PPARG: variants seen among roughly 807,000 people sequenced by gnomAD.
PPARG encodes peroxisome proliferator activated receptor gamma, also known as peroxisome proliferator-activated receptor gamma.
In PPARG, 17 loss-of-function variants were observed where a neutral mutation model predicts 39.2. The ratio of observed to expected loss-of-function variants is 0.43; its 90% CI spans 0.30 to 0.65. The LOEUF is 0.65. PPARG is among the 30% of genes least tolerant of loss of function. The pLI is 0.13. For missense variants in PPARG, 406 were observed against 585.9 expected (o/e 0.69, Z 3.17); for synonymous variants, 223 against 215.7 (o/e 1.03, Z -0.30).
rs530007199 is a variant in PPARG at position 12,416,938 on chromosome 3, G to A, written c.964G>A (p.Glu322Lys). ...AACTCTCCTCAAATATGGAGTCCAC[G>A]AGATCATTTACACAATGCTGGCCTC... ...QVTLLKYGVH[E>K]IIYTMLASLM... is the part of the protein sequence containing the mutation. Residue 322 changes from glutamate to lysine, a missense_variant, in exon 7 of 8, where the codon GAG becomes AAG. Coordinates refer to ENST00000651735, the MANE Select transcript of PPARG (RefSeq NM_138711.6). 3 of 1,614,018 alleles carry A rather than the reference G, an allele frequency of 1.9e-6. No homozygotes were observed. Among genetic ancestry groups the A allele is most frequent in the Non-Finnish European group, 2.5e-6 (3 of 1,179,988 alleles).
chr3:12,427,824 C>T (rs1289394688), intron 7 of PPARG, among the ~76,000 whole-genome samples: 1 of 152,208 alleles, frequency 6.6e-6, no homozygotes, highest in African/African-American at 2.4e-5. Flanking sequence ...CCTGCCTCCC[C>T]TCCAGTTTTC....
rs529237062 is a variant in PPARG, at chr3:12,303,202, CT to C, written c.-82-9167del. Among the ~76,000 whole-genome samples, 518 of 145,052 alleles carry C rather than the reference CT, an allele frequency of 3.6e-3. 1 individual carries two copies. Among genetic ancestry groups the C allele is most frequent in the Non-Finnish European group, 5.9e-3 (388 of 65,592 alleles). On this transcript the variant is annotated intron_variant, in intron 1 of 7. Coordinates refer to ENST00000651735, the MANE Select transcript of PPARG (RefSeq NM_138711.6). ...TGATGACTGACTCCTGTAGGGCAGT[CT>C]TTTTTTTTTTGGAGATGGAGTCTCA... is the stretch of plus-strand genomic sequence containing the variant.
chr3:12,350,575 C>A (rs567341310), intron 2 of PPARG, among the ~76,000 whole-genome samples: 7 of 152,198 alleles, frequency 4.6e-5, no homozygotes, highest in Non-Finnish European at 8.8e-5. Flanking sequence ...AGACCTGCTC[C>A]CACATCGGTA....
intron 2 of PPARG, among the ~76,000 whole-genome samples, chr3:12,347,038 A>G (rs969164921): frequency 5.9e-5 from 9 of 152,154 alleles, no homozygotes; most frequent in African/African-American, 2.2e-4. Flanking sequence ...GTTTTTGGTT[A>G]AAGAAGAATG....
At chr3:12,351,123 A>G (rs918950295) in intron 2 of PPARG, among the ~76,000 whole-genome samples, 10 of 152,228 alleles carry the variant, frequency 6.6e-5, no homozygotes, top group African/African-American at 2.4e-4. Context: ...CTTTGCCCAA[A>G]TAAGCTTTCT....
chr3:12,424,846 G>A (rs1575151967), intron 7 of PPARG, among the ~76,000 whole-genome samples: 1 of 152,136 alleles, frequency 6.6e-6, no homozygotes, highest in East Asian at 1.9e-4. Context: ...ATCTCTCTGA[G>A]CCTTAATTTC....
chr3:12,397,702 G>A (rs1559524155), intron 5 of PPARG, among the ~76,000 whole-genome samples: 2 of 152,094 alleles, frequency 1.3e-5, no homozygotes, highest in African/African-American at 2.4e-5. Flanking sequence ...GAGCCACCGC[G>A]TCTGGCTAAC....
At chr3:12,397,936 T>C (rs937961310) in intron 5 of PPARG, among the ~76,000 whole-genome samples, 3 of 152,070 alleles carry the variant, frequency 2.0e-5, no homozygotes, top group Non-Finnish European at 4.4e-5. Flanking sequence ...AAACCCTGCA[T>C]TTTGCTGTTC....
In PPARG at chr3:12,376,345, T is replaced by C. The variant is rs147291678; in HGVS notation, c.-8-3359T>C. Among the ~76,000 whole-genome samples the C allele has an allele frequency of 2.0e-4, 31 of 152,198 alleles. No homozygotes were observed. The East Asian group carries it at 6.0e-3, about 29-fold the overall frequency. On this transcript the variant is annotated intron_variant, in intron 2 of 7. Transcript: ENST00000651735. The stretch of plus-strand genomic sequence containing the variant: ...GGAGTGAATTTCTTGGCAATCTGCT[T>C]GGTAAGAAAAAGCAAGTGGTGTTAA...
intron 2 of PPARG, among the ~76,000 whole-genome samples, chr3:12,359,099 G>A (rs370697401): frequency 2.6e-5 from 4 of 152,036 alleles, no homozygotes; most frequent in African/African-American, 7.2e-5. Context: ...TCTCTATCAC[G>A]AGTCTGGTCT....
chr3:12,407,241 A>T (rs1006701369), intron 6 of PPARG, among the ~76,000 whole-genome samples: 12 of 151,722 alleles, frequency 7.9e-5, no homozygotes, highest in Admixed American at 7.2e-4. Flanking sequence ...GCTCACTGCA[A>T]CCTCCACCTC....
intron 2 of PPARG, among the ~76,000 whole-genome samples, chr3:12,362,987 A>G (rs1246823856): frequency 6.6e-6 from 1 of 151,986 alleles, no homozygotes; most frequent in Non-Finnish European, 1.5e-5. Flanking sequence ...AAGCTGGATC[A>G]TGGTGCATTG....
chr3:12,337,930 A>G (rs936423264), intron 2 of PPARG, among the ~76,000 whole-genome samples: 1 of 152,174 alleles, frequency 6.6e-6, no homozygotes, highest in Non-Finnish European at 1.5e-5. Context: ...ATACTATGCT[A>G]TTTTAGATTA....
At chr3:12,292,275 A>T (rs2046666996) in intron 1 of PPARG, among the ~76,000 whole-genome samples, 1 of 152,198 alleles carries the variant, frequency 6.6e-6, no homozygotes, top group Admixed American at 6.5e-5. Context: ...TGTTAATATT[A>T]TACATCCGAT....
chr3:12,413,135 G>C lies in PPARG; in HGVS notation c.730-3569G>C, dbSNP rs907215680. On this transcript the variant is annotated intron_variant, in intron 6 of 7. Transcript: ENST00000651735. ...GTACCAAATGTCATGTTAAATTAATGATTCAAGATAAAATGCAGACCAAAT... is the reference window on the plus strand; with the variant it reads ...GTACCAAATGTCATGTTAAATTAATCATTCAAGATAAAATGCAGACCAAAT... Among the ~76,000 whole-genome samples the C allele has an allele frequency of 5.3e-5, 8 of 152,162 alleles. 1 individual carries two copies. Among genetic ancestry groups the C allele is most frequent in the Admixed American group, 1.3e-4 (2 of 15,272 alleles).
intron 2 of PPARG, among the ~76,000 whole-genome samples, chr3:12,351,198 A>G (rs919848353): frequency 2.0e-5 from 3 of 152,206 alleles, no homozygotes; most frequent in African/African-American, 7.2e-5. Context: ...TTACAACAAT[A>G]AAAAATGCAA....
chr3:12,303,127 T>C (rs941431637), intron 1 of PPARG, among the ~76,000 whole-genome samples: 4 of 152,164 alleles, frequency 2.6e-5, no homozygotes. Flanking sequence ...GAAAACTTCC[T>C]TCATGCCAGA....
intron 5 of PPARG, among the ~76,000 whole-genome samples, chr3:12,393,478 T>C (rs906959806): frequency 2.6e-5 from 4 of 152,152 alleles, no homozygotes; most frequent in Non-Finnish European, 5.9e-5. Flanking sequence ...AGTAAGGTCC[T>C]GGAAGACAAA....
In PPARG at chr3:12,299,024, CAG is replaced by C. The variant is rs1414743513; in HGVS notation, c.-83+9891_-83+9892del. Among the ~76,000 whole-genome samples, 19 of 152,060 alleles carry C rather than the reference CAG, an allele frequency of 1.2e-4. No homozygotes were observed. The East Asian group carries it at 1.7e-3, about 14-fold the overall frequency. ...CTAATTTTTATATTTTTTGTAGAAA[CAG>C]GGGTTCGCCGTATTGCCAGGCTGGT... On this transcript the variant is annotated intron_variant, in intron 1 of 7. Coordinates refer to ENST00000651735, the MANE Select transcript of PPARG (RefSeq NM_138711.6).
Sources: allele counts gnomAD v4.1 joint callset (sites outside exome capture counted in the v4.1 genomes callset), GRCh38; gene constraint gnomAD v4.1.1; transcripts MANE v1.5; gene names NCBI Gene and HGNC (gene_info 2026-07-23, HGNC 2026-07-21).